Variants in HIRA observed in about 807,000 individuals in gnomAD.
HIRA encodes protein HIRA.
In HIRA, 13 loss-of-function variants were observed where a neutral mutation model predicts 126.6. That is an observed-to-expected ratio of 0.10 (90% CI 0.07 to 0.16). The LOEUF is 0.16. Ranked by LOEUF, HIRA falls within the 10% of genes least tolerant of loss-of-function variation. The pLI is 1.00. For missense variants in HIRA, 834 were observed against 1,314.4 expected, an observed-to-expected ratio of 0.63 and a Z score of 5.65; for synonymous variants, 511 against 520.0, an observed-to-expected ratio of 0.98 and a Z score of 0.24.
chr22:19,354,504 G>A lies in HIRA; in HGVS notation c.2562-386C>T, dbSNP rs143839620. 6.7e-3 allele frequency among the ~76,000 whole-genome samples: 1,025 copies of A among 152,320 alleles called. 11 individuals are homozygous for A. Among genetic ancestry groups the A allele is most frequent in the African/African-American group, 0.022 (931 of 41,566 alleles). On this transcript the variant is annotated intron_variant, in intron 21 of 24. Coordinates refer to ENST00000263208, the MANE Select transcript of HIRA (RefSeq NM_003325.4). Reference sequence around the variant, plus strand: ...ATGGCCTGGGCCCTGTAGCTAGCGAGCAATGCCAGGCCTCTACCTGCCTGT... The same window carrying A: ...ATGGCCTGGGCCCTGTAGCTAGCGAACAATGCCAGGCCTCTACCTGCCTGT...
At chr22:19,339,360 C>T (rs1601798227) in intron 24 of HIRA, among the ~76,000 whole-genome samples, 1 of 152,160 alleles carries the variant, frequency 6.6e-6, no homozygotes, top group South Asian at 2.1e-4. Context: ...AGAGGCCAAG[C>T]ACGGTGGCTC....
At chr22:19,394,631 C>A (rs2089208139) in intron 7 of HIRA, 122 bp from the exon 8 acceptor site, 5 of 963,736 alleles carry the variant, frequency 5.2e-6, no homozygotes, top group South Asian at 3.2e-5. Context: ...GCACCCCAAG[C>A]TTCTGGCTAC....
chr22:19,379,823 T>C (rs549854654), intron 13 of HIRA, among the ~76,000 whole-genome samples: 1 of 152,228 alleles, frequency 6.6e-6, no homozygotes, highest in South Asian at 2.1e-4. Flanking sequence ...ATGGCCTTTT[T>C]TTTTGAGACG....
At chr22:19,427,088 G>T (rs2089494280) in intron 1 of HIRA, among the ~76,000 whole-genome samples, 1 of 152,162 alleles carries the variant, frequency 6.6e-6, no homozygotes, top group African/African-American at 2.4e-5. Flanking sequence ...TCAGAGCGGG[G>T]TTTCTCACCC....
intron 24 of HIRA, among the ~76,000 whole-genome samples, chr22:19,342,452 T>C (rs2088640956): frequency 6.6e-6 from 1 of 152,172 alleles, no homozygotes; most frequent in South Asian, 2.1e-4. Flanking sequence ...AGTGGCACGA[T>C]CTCGGCTCAC....
intron 13 of HIRA, among the ~76,000 whole-genome samples, chr22:19,381,061 CTA>C (rs1556018548): frequency 6.6e-6 from 1 of 152,156 alleles, no homozygotes; most frequent in Non-Finnish European, 1.5e-5. Context: ...GTATGAATTT[CTA>C]GTTATTTCTT....
intron 24 of HIRA, among the ~76,000 whole-genome samples, chr22:19,334,585 G>A (rs977007180): frequency 7.3e-5 from 11 of 151,388 alleles, no homozygotes; most frequent in South Asian, 2.1e-4. Context: ...TCAGGAGTTC[G>A]AGACCAGTCT....
intron 13 of HIRA, among the ~76,000 whole-genome samples, chr22:19,383,160 T>C (rs1029447233): frequency 3.9e-5 from 6 of 152,156 alleles, no homozygotes; most frequent in Admixed American, 3.9e-4. Context: ...AAAAAAAGAC[T>C]GGAAATACAG....
At chr22:19,414,916 G>T (rs927743464) in intron 1 of HIRA, among the ~76,000 whole-genome samples, 2 of 149,048 alleles carry the variant, frequency 1.3e-5, no homozygotes, top group Non-Finnish European at 3.0e-5. Context: ...AATATATAAG[G>T]TGGGTGCAAA....
chr22:19,380,611 T>C (rs942307395), intron 13 of HIRA, among the ~76,000 whole-genome samples: 3 of 152,062 alleles, frequency 2.0e-5, no homozygotes, highest in Non-Finnish European at 4.4e-5. Context: ...GATAACTTTA[T>C]TTTATTTATT....
chr22:19,410,738 G>A lies in HIRA; in HGVS notation c.78C>T (p.Thr26=), dbSNP rs781489051. The A allele has an allele frequency of 1.1e-5, 18 of 1,613,876 alleles. No individual in the cohort carries two copies. The South Asian group carries it at 1.9e-4, about 17-fold the overall frequency. The change falls in exon 2 of 25, where the codon ACC becomes ACT. Residue 26 remains threonine (T), a synonymous_variant. Transcript: ENST00000263208. The part of the protein sequence containing the change: ...IFSVDIHPDG[T]KFATGGQGQD... ...TACCTTGTCCTCCAGTTGCGAACTT[G>A]GTCCCGTCAGGGTGAATATCAACTG...
chr22:19,418,672 C>T (rs2089419411), intron 1 of HIRA, among the ~76,000 whole-genome samples: 1 of 152,070 alleles, frequency 6.6e-6, no homozygotes, highest in Non-Finnish European at 1.5e-5. Context: ...TGGAACTGTT[C>T]AGCATCTCGA....
chr22:19,347,598 G>A (rs1477341577), intron 24 of HIRA, among the ~76,000 whole-genome samples: 1 of 152,154 alleles, frequency 6.6e-6, no homozygotes, highest in African/African-American at 2.4e-5. Flanking sequence ...CCTTTGCTTT[G>A]GAAATATTTA....
intron 24 of HIRA, among the ~76,000 whole-genome samples, chr22:19,346,161 C>G (rs1326574920): frequency 1.4e-5 from 2 of 148,086 alleles, no homozygotes; most frequent in Non-Finnish European, 2.9e-5. Flanking sequence ...CCAACCACAG[C>G]TATATTTTCC....
At chr22:19,368,813 G>A (rs1022961641) in intron 15 of HIRA, among the ~76,000 whole-genome samples, 2 of 152,100 alleles carry the variant, frequency 1.3e-5, no homozygotes, top group Admixed American at 1.3e-4. Flanking sequence ...GCTCACCACA[G>A]CACTGGCCCA....
At chr22:19,340,351 C>T (rs1245817258) in intron 24 of HIRA, among the ~76,000 whole-genome samples, 1 of 151,872 alleles carries the variant, frequency 6.6e-6, no homozygotes, top group Non-Finnish European at 1.5e-5. Flanking sequence ...GGAAAACCGT[C>T]ATAGAATGGA....
chr22:19,385,388 G>A, intron 12 of HIRA, 133 bp downstream of exon 12: 2 of 800,256 alleles, frequency 2.5e-6, no homozygotes, highest in South Asian at 3.5e-5. Flanking sequence ...GGGCCAACAG[G>A]CCCGAGGCTG....
rs564330350 is a variant in HIRA at position 19,414,614 on chromosome 22, C to G, written c.38-3836G>C. Among the ~76,000 whole-genome samples, 157 of 152,346 alleles carry G rather than the reference C, an allele frequency of 1.0e-3. 1 individual carries two copies. Among genetic ancestry groups the G allele is most frequent in the African/African-American group, 3.7e-3 (153 of 41,582 alleles). On this transcript the variant is annotated intron_variant, in intron 1 of 24. Coordinates refer to ENST00000263208, the MANE Select transcript of HIRA (RefSeq NM_003325.4). ...CCAGTGAATGTTGCTCCTGGGAACACTTCCTGCACTGCCCAATAGAACTTG... is the reference window on the plus strand; with the variant it reads ...CCAGTGAATGTTGCTCCTGGGAACAGTTCCTGCACTGCCCAATAGAACTTG...
chr22:19,408,952 C>T (rs923734556), intron 2 of HIRA, among the ~76,000 whole-genome samples: 7 of 152,102 alleles, frequency 4.6e-5, no homozygotes, highest in Non-Finnish European at 1.0e-4. Context: ...CTCCTTGACT[C>T]CTCATCTGTG....
Sources: gnomAD v4.1 joint callset for allele counts (sites outside exome capture counted in the v4.1 genomes callset) on GRCh38, gnomAD v4.1.1 for gene constraint, MANE v1.5 for transcripts, NCBI Gene and HGNC (gene_info 2026-07-23, HGNC 2026-07-21) for gene names.